Variants in COPS3 observed in about 807,000 individuals in gnomAD.
COPS3 encodes COP9 signalosome subunit 3, also known as COP9 signalosome complex subunit 3.
COPS3 carries 10 observed loss-of-function variants against 58.2 expected under a neutral mutation model. The ratio of observed to expected loss-of-function variants is 0.17; its 90% CI spans 0.11 to 0.29. The LOEUF is 0.29. Among genes scored for constraint, COPS3 ranks in the 10% least tolerant of loss-of-function variants. The probability of loss-of-function intolerance (pLI) is 1.00; values close to 1 mark genes in which losing one functional copy is unlikely to be tolerated. For synonymous variants in COPS3, 187 were observed against 181.7 expected (o/e 1.03, Z -0.24); for missense variants, 333 against 510.1 (o/e 0.65, Z 3.34).
intron 8 of COPS3, among the ~76,000 whole-genome samples, chr17:17,258,369 G>A (rs2145207450): frequency 6.6e-6 from 1 of 152,260 alleles, no homozygotes; most frequent in South Asian, 2.1e-4. Flanking sequence ...TGCAATCTCG[G>A]CTCACTGCAA....
intron 2 of COPS3, among the ~76,000 whole-genome samples, chr17:17,275,094 A>T (rs1464740640): frequency 6.9e-6 from 1 of 144,310 alleles, no homozygotes; most frequent in Non-Finnish European, 1.5e-5. Flanking sequence ...GCAACAACTG[A>T]TTTTTTTTTT....
Position 17,254,973 on chromosome 17 carries a change from A to C in COPS3, c.937-28T>G, listed in dbSNP as rs964063838. On this transcript the variant is annotated intron_variant, in intron 8 of 11. Coordinates refer to ENST00000268717, the MANE Select transcript of COPS3 (RefSeq NM_003653.4). ...GAAAGTCAGAAGCAGAATTAGTCACAGGTAGGAACAACGAAGGAAGGACAT... is the reference window on the plus strand; with the variant it reads ...GAAAGTCAGAAGCAGAATTAGTCACCGGTAGGAACAACGAAGGAAGGACAT... The C allele has an allele frequency of 3.3e-6, 5 of 1,493,080 alleles. No homozygotes were observed. The African/African-American group carries it at 6.9e-5, about 21-fold the overall frequency. The allele number at this position is 1,493,080 out of a possible 1,614,324, so 92.5% of individuals were successfully genotyped here.
At chr17:17,280,618 C>A (rs2145274307) in intron 1 of COPS3, 5 of 1,302,940 alleles carry the variant, frequency 3.8e-6, no homozygotes, top group African/African-American at 1.5e-5. Flanking sequence ...AATAGGCGCA[C>A]AGGTTCCCGA....
chr17:17,276,594 A>T (rs1159780229), intron 1 of COPS3, among the ~76,000 whole-genome samples: 1 of 144,950 alleles, frequency 6.9e-6, no homozygotes. Context: ...TTTAAGATGG[A>T]GTTTCACTGT....
chr17:17,280,820 G>T, intron 1 of COPS3: 1 of 1,243,514 alleles, frequency 8.0e-7, no homozygotes, highest in East Asian at 3.4e-5. Flanking sequence ...GCCCGAGATG[G>T]CTCCTGGCGG....
intron 5 of COPS3, 141 bp downstream of exon 5, chr17:17,267,744 T>A (rs772021252): frequency 1.5e-6 from 1 of 655,416 alleles, no homozygotes; most frequent in Non-Finnish European, 2.4e-6. Flanking sequence ...CTGAATGTAA[T>A]AGATGTACCT....
At chr17:17,275,631 A>T (rs1220993041) in intron 2 of COPS3, among the ~76,000 whole-genome samples, 2 of 152,224 alleles carry the variant, frequency 1.3e-5, no homozygotes, top group East Asian at 1.9e-4. Flanking sequence ...TCTACACCAA[A>T]AAATAAATAA....
At chr17:17,274,255 G>A (rs964490412) in intron 2 of COPS3, among the ~76,000 whole-genome samples, 2 of 152,194 alleles carry the variant, frequency 1.3e-5, no homozygotes, top group South Asian at 4.1e-4. Flanking sequence ...TAAACTGGCA[G>A]TCGCAATGCC....
chr17:17,271,636 A>G (rs548751326), intron 2 of COPS3, among the ~76,000 whole-genome samples: 1 of 150,992 alleles, frequency 6.6e-6, no homozygotes, highest in African/African-American at 2.4e-5. Context: ...CCTGATCAAC[A>G]TGGAAAAACC....
chr17:17,248,996 C>T lies in COPS3; in HGVS notation c.1067G>A (p.Gly356Asp). 6.2e-7 allele frequency: 1 copy of T among 1,610,234 alleles called. No homozygotes were observed. Among genetic ancestry groups the T allele is most frequent in the Non-Finnish European group, 8.5e-7 (1 of 1,178,822 alleles). ...EIFASINQKD[G>D]MVSFHDNPEK... ...AGGGTTATCATGGAAACTGACCATA[C>T]CGTCCTTCTGGTTAATACTTGCAAA... The change falls in exon 10 of 12, where the codon GGT (glycine) becomes GAT (aspartate). Residue 356 changes from glycine to aspartate, a missense_variant. Physicochemically the swap from Gly to Asp is moderately conservative, Grantham distance 94. Transcript: ENST00000268717.
At chr17:17,271,838 A>ATC (rs962130864) in intron 2 of COPS3, among the ~76,000 whole-genome samples, 3 of 76,446 alleles carry the variant, frequency 3.9e-5, no homozygotes, top group Admixed American at 2.8e-4. Flanking sequence ...ATCTATATAT[A>ATC]TCTATATATA....
intron 8 of COPS3, among the ~76,000 whole-genome samples, chr17:17,259,998 C>T (rs979376573): frequency 6.6e-6 from 1 of 152,186 alleles, no homozygotes; most frequent in Non-Finnish European, 1.5e-5. Flanking sequence ...TAGCATCCCT[C>T]ATCTGCCCTG....
At chr17:17,247,689 G>A (rs1384695169) in intron 10 of COPS3, 129 bp from the exon 11 acceptor site, 2 of 801,282 alleles carry the variant, frequency 2.5e-6, no homozygotes, top group Non-Finnish European at 4.0e-6. Flanking sequence ...GGGGCCACAT[G>A]GGTTTTGGAG....
chr17:17,276,293 A>G, intron 1 of COPS3, 129 bp from the exon 2 acceptor site: 3 of 1,236,226 alleles, frequency 2.4e-6, no homozygotes, highest in Non-Finnish European at 3.4e-6. Context: ...TTCACTTCGG[A>G]TGAGGATCCA....
intron 6 of COPS3, among the ~76,000 whole-genome samples, chr17:17,263,510 CTTT>C (rs34755381): frequency 5.0e-4 from 49 of 98,878 alleles, no homozygotes; most frequent in East Asian, 9.6e-4. Context: ...CTTGCCTTTT[CTTT>C]TTTTTTTTTT....
At chr17:17,269,927 C>T (rs1455486180) in intron 4 of COPS3, among the ~76,000 whole-genome samples, 6 of 152,068 alleles carry the variant, frequency 3.9e-5, no homozygotes, top group Non-Finnish European at 7.4e-5. Context: ...GAGGCCAAGG[C>T]GGGAGGATTG....
At chr17:17,254,166 T>C (rs2047910088) in intron 9 of COPS3, among the ~76,000 whole-genome samples, 1 of 151,494 alleles carries the variant, frequency 6.6e-6, no homozygotes. Flanking sequence ...TAGTCAGGCA[T>C]GGTGACACAT....
At chr17:17,261,698 GA>G (rs139813720) in intron 7 of COPS3, 80,116 of 349,806 alleles carry the variant, frequency 0.23, 2,246 homozygotes, top group South Asian at 0.32. Flanking sequence ...TGTCTCTAGG[GA>G]AAAAAAAAAA....
Position 17,271,830 on chromosome 17 carries a change from C to CTA in COPS3, c.186-824_186-823dup, listed in dbSNP as rs1304508947. 3.4e-4 allele frequency among the ~76,000 whole-genome samples: 26 copies of CTA among 75,892 alleles called. 1 individual carries two copies. The highest frequency in any genetic ancestry group is 1.3e-3 in the South Asian group (3 of 2,268). 49.8% of individuals were successfully genotyped at this position (75,892 alleles called of 152,430 possible). A position where few individuals can be genotyped will look rare whatever the true frequency, so the allele number is the denominator to read the frequency against. Reference sequence around the variant, plus strand: ...AGCGAGACTGTCTCAAAAAAAAAATCTATATATATCTATATATATATATAT... The same window carrying CTA: ...AGCGAGACTGTCTCAAAAAAAAAATCTATATATATATCTATATATATATATAT... On this transcript the variant is annotated intron_variant, in intron 2 of 11. Transcript: ENST00000268717.
Sources: allele counts gnomAD v4.1 joint callset (sites outside exome capture counted in the v4.1 genomes callset), GRCh38; gene constraint gnomAD v4.1.1; transcripts MANE v1.5; gene names NCBI Gene and HGNC (gene_info 2026-07-23, HGNC 2026-07-21).